Variants in CSNK1G2 observed in about 807,000 individuals in gnomAD.
The protein encoded by CSNK1G2 is casein kinase I isoform gamma-2.
In CSNK1G2, 11 loss-of-function variants were observed where a neutral mutation model predicts 48.0. The observed-to-expected ratio is 0.23, with a 90% confidence interval of 0.14 to 0.38. The LOEUF is 0.38. CSNK1G2 is among the 10% of genes least tolerant of loss of function. The probability of loss-of-function intolerance (pLI) is 1.00; values close to 1 mark genes in which losing one functional copy is unlikely to be tolerated. For missense variants in CSNK1G2, 446 were observed against 595.5 expected, an observed-to-expected ratio of 0.75 and a Z score of 2.61; for synonymous variants, 337 against 254.1, an observed-to-expected ratio of 1.33 and a Z score of -3.10.
intron 1 of CSNK1G2, among the ~76,000 whole-genome samples, chr19:1,966,855 C>T (rs1246570415): frequency 6.6e-6 from 1 of 152,110 alleles, no homozygotes; most frequent in African/African-American, 2.4e-5. Context: ...CATTGCTTAG[C>T]AGTAAAGTAT....
chr19:1,960,492 C>T (rs886841512), intron 1 of CSNK1G2, among the ~76,000 whole-genome samples: 1 of 152,190 alleles, frequency 6.6e-6, no homozygotes, highest in Non-Finnish European at 1.5e-5. Flanking sequence ...GATCTCACAC[C>T]CGGCTCTGAC....
intron 1 of CSNK1G2, chr19:1,942,440 G>A (rs1176322789): frequency 6.6e-6 from 1 of 152,406 alleles, no homozygotes; most frequent in Non-Finnish European, 1.5e-5. Context: ...CTGTGTAGGT[G>A]GAGTCCAGCA....
rs928237308 is a variant in CSNK1G2, at chr19:1,957,868, TCGG to T, written c.-265-11636_-265-11634del. On this transcript the variant is annotated intron_variant, in intron 1 of 11. Coordinates refer to ENST00000255641, the MANE Select transcript of CSNK1G2 (RefSeq NM_001319.7). The surrounding 1 kb of genome is among the most constrained non-coding windows in gnomAD (Gnocchi z 5.4). ...GGCGCCGTTTATGTGGGGTGGGCGC[TCGG>T]CGGGCACTGTGTGTGTGGCACGGCC... Among the ~76,000 whole-genome samples the T allele has an allele frequency of 4.0e-5, 6 of 151,604 alleles. No individual in the cohort carries two copies. The highest frequency in any genetic ancestry group is 2.1e-4 in the South Asian group (1 of 4,804).
chr19:1,955,846 G>A (rs896103748), intron 1 of CSNK1G2, among the ~76,000 whole-genome samples: 9 of 152,200 alleles, frequency 5.9e-5, no homozygotes, highest in African/African-American at 2.2e-4. Flanking sequence ...GCTCCCGGCC[G>A]GCCCTGAGGC....
intron 1 of CSNK1G2, among the ~76,000 whole-genome samples, chr19:1,960,813 C>G (rs140986541): frequency 2.0e-5 from 3 of 152,278 alleles, no homozygotes; most frequent in African/African-American, 7.2e-5. Context: ...CACTTGAACC[C>G]GGGAGGCGGA....
chr19:1,945,468 G>T (rs2014521188), intron 1 of CSNK1G2, among the ~76,000 whole-genome samples: 1 of 152,214 alleles, frequency 6.6e-6, no homozygotes, highest in Non-Finnish European at 1.5e-5. Flanking sequence ...CTCCTGGGTG[G>T]CCCAGCGGCC....
At position 1,969,989 on chromosome 19, in the gene CSNK1G2, C is replaced by T. The variant is rs569698325; in HGVS notation, c.187+30C>T. 8.5e-6 allele frequency: 11 copies of T among 1,296,810 alleles called. No individual in the cohort carries two copies. In the South Asian group the frequency reaches 1.9e-4, roughly 23 times the overall value. 80.3% of individuals were successfully genotyped at this position (1,296,810 alleles called of 1,614,324 possible). ...GGCCCTGCTCGGTGGTAGGTGGGGT[C>T]GGGAGGCTGCTGGCAGGGCCGCCCC... On this transcript the variant is annotated intron_variant, in intron 2 of 11. Coordinates refer to ENST00000255641, the MANE Select transcript of CSNK1G2 (RefSeq NM_001319.7).
In CSNK1G2 at chr19:1,979,371, C is replaced by T. The variant is rs764062633; in HGVS notation, c.821C>T (p.Thr274Met). The change falls in exon 8 of 12, where the codon ACG (threonine) becomes ATG (methionine). Residue 274 changes from threonine (T) to methionine (M), a missense_variant. Thr to Met is a moderately conservative substitution (Grantham distance 81, BLOSUM62 -1). Coordinates refer to ENST00000255641, the MANE Select transcript of CSNK1G2 (RefSeq NM_001319.7). ...AAGATCGGGGACACCAAACGCGCCA[C>T]GCCCATCGAGGTGCTCTGCGAGAAC... Reference protein sequence around the residue: ...YQKIGDTKRATPIEVLCENFP... With the variant: ...YQKIGDTKRAMPIEVLCENFP... The T allele has an allele frequency of 5.0e-6, 8 of 1,603,382 alleles. No individual in the cohort carries two copies. The highest frequency in any genetic ancestry group is 2.2e-5 in the East Asian group (1 of 44,472).
In CSNK1G2 at chr19:1,972,572, T is replaced by C. The variant is rs1599323848; in HGVS notation, c.187+2613T>C. Among the ~76,000 whole-genome samples the C allele has an allele frequency of 2.0e-5, 3 of 152,254 alleles. No individual in the cohort carries two copies. The South Asian group carries it at 6.2e-4, about 31-fold the overall frequency. On this transcript the variant is annotated intron_variant, in intron 2 of 11. Coordinates refer to ENST00000255641, the MANE Select transcript of CSNK1G2 (RefSeq NM_001319.7). ...CTTTTTCAAATTAACTTTGGAAAAA[T>C]GTGAGCCATTATTTCATGAAACGTT...
chr19:1,959,934 T>C (rs2015143072), intron 1 of CSNK1G2, among the ~76,000 whole-genome samples: 1 of 152,120 alleles, frequency 6.6e-6, no homozygotes, highest in Non-Finnish European at 1.5e-5. Context: ...TGGCTACACA[T>C]TGTGGCTCCC....
intron 2 of CSNK1G2, chr19:1,975,214 G>C (rs914264123): frequency 4.5e-5 from 44 of 985,374 alleles, no homozygotes; most frequent in Non-Finnish European, 4.8e-5. Context: ...AGCCAGGCTG[G>C]GGAGGACGTT....
intron 1 of CSNK1G2, chr19:1,953,243 C>T (rs966661285): frequency 5.3e-5 from 20 of 378,624 alleles, no homozygotes; most frequent in African/African-American, 2.5e-4. Flanking sequence ...CACTTGGGAC[C>T]GGGGACCCCT....
At chr19:1,974,985 C>G in intron 2 of CSNK1G2, 4 of 864,958 alleles carry the variant, frequency 4.6e-6, no homozygotes, top group Non-Finnish European at 5.6e-6. Flanking sequence ...GAGCGCCCGA[C>G]CTCCTCCAGG....
chr19:1,951,504 G>A lies in CSNK1G2; in HGVS notation c.-266+10086G>A, dbSNP rs1468705521. Among the ~76,000 whole-genome samples, 5 of 146,202 alleles carry A rather than the reference G, an allele frequency of 3.4e-5. 1 individual carries two copies. Among genetic ancestry groups the A allele is most frequent in the Admixed American group, 2.1e-4 (3 of 14,614 alleles). ...TCCTGAGGCTGGCCCAGCTGCCTGT[G>A]TCCTCTGGGGCTCCCTGAGGAGGCA... On this transcript the variant is annotated intron_variant, in intron 1 of 11. Coordinates refer to ENST00000255641, the MANE Select transcript of CSNK1G2 (RefSeq NM_001319.7).
chr19:1,953,205 T>G (rs1182811845), intron 1 of CSNK1G2, among the ~76,000 whole-genome samples: 2 of 152,170 alleles, frequency 1.3e-5, no homozygotes. Flanking sequence ...TGACTCTGCC[T>G]GCACGTTCCC....
rs563298792 is a variant in CSNK1G2, at chr19:1,950,343, G to A, written c.-266+8925G>A. On this transcript the variant is annotated intron_variant, in intron 1 of 11. Transcript: ENST00000255641. ...TTTAGTAGAGACGGGGTTTCACTGT[G>A]TTTGCCAGGATGGTCTTGATCTCCA... Among the ~76,000 whole-genome samples the A allele has an allele frequency of 2.2e-3, 330 of 146,842 alleles. 41 individuals carry two copies. The highest frequency in any genetic ancestry group is 8.0e-3 in the African/African-American group (310 of 38,598).
At chr19:1,948,832 G>A (rs1012655493) in intron 1 of CSNK1G2, among the ~76,000 whole-genome samples, 12 of 152,360 alleles carry the variant, frequency 7.9e-5, no homozygotes, top group Admixed American at 1.3e-4. Context: ...GGGAGGACAC[G>A]TGGTCCGCGC....
At chr19:1,973,710 G>T (rs1291963102) in intron 2 of CSNK1G2, among the ~76,000 whole-genome samples, 1 of 152,194 alleles carries the variant, frequency 6.6e-6, no homozygotes, top group Non-Finnish European at 1.5e-5. Flanking sequence ...ATCTTTGATT[G>T]CTTAGTGGCA....
At chr19:1,968,757 G>T (rs546394215) in intron 1 of CSNK1G2, 2 of 152,656 alleles carry the variant, frequency 1.3e-5, no homozygotes, top group East Asian at 3.8e-4. Flanking sequence ...TGTTGGCTCC[G>T]CTGGTCCCTC....
Sources: allele counts gnomAD v4.1 joint callset (sites outside exome capture counted in the v4.1 genomes callset), GRCh38; gene constraint gnomAD v4.1.1; non-coding constraint Gnocchi (gnomAD v3.1); transcripts MANE v1.5; gene names NCBI Gene and HGNC (gene_info 2026-07-23, HGNC 2026-07-21).